Variants in CACNA1C observed in about 807,000 individuals in gnomAD.
CACNA1C encodes the protein voltage-dependent L-type calcium channel subunit alpha-1C.
A neutral mutation model predicts 229.0 loss-of-function variants in CACNA1C; 30 were observed. The observed-to-expected ratio is 0.13, with a 90% CI of 0.10 to 0.18. CACNA1C has a LOEUF of 0.18. Ranked by LOEUF, CACNA1C falls within the 10% of genes least tolerant of loss-of-function variation. CACNA1C has a pLI of 1.00. For synonymous variants in CACNA1C, 1,114 were observed against 1,132.5 expected (o/e 0.98, Z 0.33); for missense variants, 1,658 against 2,845.0 (o/e 0.58, Z 9.49).
intron 29 of CACNA1C, chr12:2,613,697 C>G (rs7138132): frequency 0.91 from 138,830 of 152,390 alleles, 64,347 homozygotes; most frequent in Non-Finnish European, 0.99. Flanking sequence ...AGGACCCCTG[C>G]GTTGCCCTGA....
At chr12:2,144,053 C>G (rs147736916) in intron 3 of CACNA1C, among the ~76,000 whole-genome samples, 1 of 151,376 alleles carries the variant, frequency 6.6e-6, no homozygotes, top group African/African-American at 2.4e-5. Flanking sequence ...ATGAACTGAT[C>G]CCTGCTCTGT....
At chr12:2,603,142 T>C (rs966160776) in intron 22 of CACNA1C, among the ~76,000 whole-genome samples, 4 of 152,182 alleles carry the variant, frequency 2.6e-5, no homozygotes, top group African/African-American at 9.7e-5. Context: ...AGCCTACAAG[T>C]CCAGATTTGA....
At chr12:2,690,230 GT>G (rs2097747807) in intron 46 of CACNA1C, 1 of 152,724 alleles carries the variant, frequency 6.5e-6, no homozygotes, top group Non-Finnish European at 1.5e-5. Context: ...TAGTATAAAG[GT>G]TCAGTGGGTG....
At chr12:2,650,317 C>T (rs779393942) in intron 31 of CACNA1C, among the ~76,000 whole-genome samples, 12 of 152,098 alleles carry the variant, frequency 7.9e-5, no homozygotes, top group East Asian at 1.9e-4. Flanking sequence ...GAGCAGGCAG[C>T]GCAGTTAGAA....
At chr12:2,306,418 C>T (rs117839053) in intron 3 of CACNA1C, among the ~76,000 whole-genome samples, 2,082 of 152,256 alleles carry the variant, frequency 0.014, 22 homozygotes, top group Middle Eastern at 0.044. Context: ...AGCAGAGAAA[C>T]GAGAGACCCT....
At chr12:2,241,895 T>TAAAC (rs1272334953) in intron 3 of CACNA1C, among the ~76,000 whole-genome samples, 1 of 152,236 alleles carries the variant, frequency 6.6e-6, no homozygotes, top group Non-Finnish European at 1.5e-5. Context: ...CGCAAGGCGT[T>TAAAC]TCTCCTGGTT....
intron 3 of CACNA1C, among the ~76,000 whole-genome samples, chr12:2,263,924 G>A (rs1274229799): frequency 6.6e-6 from 1 of 152,118 alleles, no homozygotes; most frequent in Non-Finnish European, 1.5e-5. Flanking sequence ...AAGGAAAGAG[G>A]GAAACAGCAG....
intron 3 of CACNA1C, among the ~76,000 whole-genome samples, chr12:2,393,207 C>G (rs2098517208): frequency 6.6e-6 from 1 of 152,178 alleles, no homozygotes; most frequent in African/African-American, 2.4e-5. Context: ...CACTGTCTTA[C>G]CATAGAAGCC....
intron 3 of CACNA1C, among the ~76,000 whole-genome samples, chr12:2,232,765 GTTAT>G (rs1428731547): frequency 1.1e-4 from 17 of 151,948 alleles, no homozygotes; most frequent in South Asian, 6.2e-4. Context: ...TTCTTCCCCA[GTTAT>G]TTATTTATTT....
intron 29 of CACNA1C, among the ~76,000 whole-genome samples, chr12:2,619,326 G>A (rs187944152): frequency 7.2e-5 from 11 of 152,338 alleles, no homozygotes; most frequent in East Asian, 3.9e-4. Flanking sequence ...AAACTCAGCC[G>A]GATCCCTACG....
At chr12:2,332,594 A>G (rs2096579014) in intron 3 of CACNA1C, among the ~76,000 whole-genome samples, 1 of 152,264 alleles carries the variant, frequency 6.6e-6, no homozygotes, top group Admixed American at 6.5e-5. Context: ...AGACGTATGC[A>G]CAAGTATCTT....
chr12:2,691,251 G>C lies in CACNA1C; in HGVS notation c.*52G>C. The stretch of plus-strand genomic sequence containing the variant: ...TTTATTTGTTTCAATGTTCCTAATG[G>C]GTTCGTTTCAGAAGTGCCTCACTGT... On this transcript the variant is annotated 3_prime_UTR_variant, in exon 47 of 47. Coordinates refer to ENST00000399655, the MANE Select transcript of CACNA1C (RefSeq NM_000719.7). 3.4e-6 allele frequency: 5 copies of C among 1,475,230 alleles called. No homozygotes were observed. Among genetic ancestry groups the C allele is most frequent in the Non-Finnish European group, 4.5e-6 (5 of 1,109,506 alleles). 91.4% of individuals were successfully genotyped at this position (1,475,230 alleles called of 1,614,324 possible).
At chr12:2,146,141 TCTTC>T (rs1258881448) in intron 3 of CACNA1C, among the ~76,000 whole-genome samples, 1 of 151,278 alleles carries the variant, frequency 6.6e-6, no homozygotes, top group African/African-American at 2.4e-5. Flanking sequence ...TTATCACCCC[TCTTC>T]CCTGTCACGT....
intron 3 of CACNA1C, among the ~76,000 whole-genome samples, chr12:2,198,695 G>T (rs1005172509): frequency 6.6e-6 from 1 of 152,160 alleles, no homozygotes; most frequent in Non-Finnish European, 1.5e-5. Flanking sequence ...GGGAGGTGGG[G>T]AGGGAGAGAC....
At chr12:1,976,757 A>G (rs1394115986) in intron 1 of CACNA1C, among the ~76,000 whole-genome samples, 8 of 145,498 alleles carry the variant, frequency 5.5e-5, no homozygotes, top group Admixed American at 5.4e-4. Context: ...ATATATGCAA[A>G]TTTTGGGAGG....
intron 1 of CACNA1C, among the ~76,000 whole-genome samples, chr12:2,078,842 C>T (rs540848993): frequency 1.7e-4 from 26 of 152,014 alleles, no homozygotes; most frequent in Admixed American, 6.5e-4. Flanking sequence ...ATGTTTATTG[C>T]GGCACTATTC....
rs931458631 is a variant in CACNA1C, at chr12:2,607,219, C to T, written c.3356+89C>T. On this transcript the variant is annotated intron_variant, in intron 26 of 46. Coordinates refer to ENST00000399655, the MANE Select transcript of CACNA1C (RefSeq NM_000719.7). ...CCATCCCCAAGTTTTGTTAATGTCCCGCACTCCCTCTGGAGGTCATATTTA... is the reference window on the plus strand; with the variant it reads ...CCATCCCCAAGTTTTGTTAATGTCCTGCACTCCCTCTGGAGGTCATATTTA... 2.0e-5 allele frequency: 28 copies of T among 1,370,026 alleles called. No individual in the cohort carries two copies. The Admixed American group carries it at 2.5e-4, about 12-fold the overall frequency. The allele number at this position is 1,370,026 out of a possible 1,614,324, so 84.9% of individuals were successfully genotyped here.
At position 2,464,746 on chromosome 12, in the gene CACNA1C, C is replaced by T. The variant is rs138962831; in HGVS notation, c.757+7040C>T. On this transcript the variant is annotated intron_variant, in intron 5 of 46. Transcript: ENST00000399655. ...GAATAGAAAACAGCTCGCTATTAAA[C>T]GGAAGTTTACTTTCATCCTGAGAGG... Among the ~76,000 whole-genome samples the T allele has an allele frequency of 1.2e-3, 188 of 152,310 alleles. 1 individual carries two copies. The highest frequency in any genetic ancestry group is 4.4e-3 in the African/African-American group (182 of 41,554).
intron 3 of CACNA1C, among the ~76,000 whole-genome samples, chr12:2,184,082 A>G (rs2096925567): frequency 6.6e-6 from 1 of 152,088 alleles, no homozygotes; most frequent in Non-Finnish European, 1.5e-5. Context: ...TCTCCATCCC[A>G]TCCCCCACTG....
Sources: gnomAD v4.1 joint callset for allele counts (sites outside exome capture counted in the v4.1 genomes callset) on GRCh38, gnomAD v4.1.1 for gene constraint, MANE v1.5 for transcripts, NCBI Gene and HGNC (gene_info 2026-07-23, HGNC 2026-07-21) for gene names.